The following LAMA3 variants were observed in gnomAD, a reference collection of about 807,000 sequenced individuals.
The protein encoded by LAMA3 is laminin subunit alpha-3.
A neutral mutation model predicts 402.0 loss-of-function variants in LAMA3; 281 were observed. That is an observed-to-expected ratio of 0.70 (90% CI 0.63 to 0.77). The LOEUF (loss-of-function observed/expected upper bound fraction) is 0.77, where lower values mean the gene tolerates loss of function less well. Ranked by LOEUF, LAMA3 falls within the 30% of genes least tolerant of loss-of-function variation. LAMA3 has a pLI of 0.00. For synonymous variants in LAMA3, 1,431 were observed against 1,558.4 expected (o/e 0.92, Z 1.93); for missense variants, 3,840 against 4,215.5 (o/e 0.91, Z 2.47).
At chr18:23,725,029 A>T (rs2061273592) in intron 2 of LAMA3, among the ~76,000 whole-genome samples, 1 of 150,104 alleles carries the variant, frequency 6.7e-6, no homozygotes, top group African/African-American at 2.5e-5. Flanking sequence ...TTCACTTTTT[A>T]CTCCCATCGC....
At chr18:23,765,483 A>G (rs1424843051) in intron 8 of LAMA3, among the ~76,000 whole-genome samples, 1 of 152,202 alleles carries the variant, frequency 6.6e-6, no homozygotes, top group African/African-American at 2.4e-5. Context: ...AAGAAAAAAA[A>G]CCATTTTTTA....
At chr18:23,723,695 T>C (rs1250987306) in intron 2 of LAMA3, among the ~76,000 whole-genome samples, 1 of 152,124 alleles carries the variant, frequency 6.6e-6, no homozygotes, top group African/African-American at 2.4e-5. Context: ...TGGCTGTGTG[T>C]AATTGGATGG....
intron 22 of LAMA3, among the ~76,000 whole-genome samples, 165 bp from the exon 23 acceptor site, chr18:23,827,149 A>C (rs1290202643): frequency 2.0e-5 from 3 of 152,176 alleles, no homozygotes; most frequent in Non-Finnish European, 4.4e-5. Context: ...GCAGATGAAA[A>C]TTTATTGCTT....
At position 23,816,017 on chromosome 18, in the gene LAMA3, A is replaced by G. The variant is rs900608547; in HGVS notation, c.2048-371A>G. On this transcript the variant is annotated intron_variant, in intron 17 of 74. Transcript: ENST00000313654. ...GTTATCACATGTTCTTTAGAACAGC[A>G]CTGTTTCTGAAGCGCGTTTACTCCT... Among the ~76,000 whole-genome samples the G allele has an allele frequency of 7.2e-5, 11 of 152,266 alleles. No individual in the cohort carries two copies. The East Asian group carries it at 2.1e-3, about 29-fold the overall frequency.
intron 9 of LAMA3, among the ~76,000 whole-genome samples, chr18:23,774,482 G>T (rs2062270995): frequency 6.6e-6 from 1 of 152,110 alleles, no homozygotes; most frequent in Non-Finnish European, 1.5e-5. Flanking sequence ...TGACAAAACC[G>T]CTAACTGCTA....
At position 23,905,577 on chromosome 18, in the gene LAMA3, A is replaced by G; in HGVS notation, c.6671A>G (p.Asp2224Gly). 2.5e-6 allele frequency: 4 copies of G among 1,611,812 alleles called. 1 individual carries two copies. Among genetic ancestry groups the G allele is most frequent in the South Asian group, 2.2e-5 (2 of 91,010 alleles). The change falls in exon 52 of 75, where the codon GAT becomes GGT. Residue 2224 changes from aspartate to glycine, a missense_variant. By Grantham distance (94) the Asp-to-Gly change is moderately conservative. Around this residue, in one of 3 missense-constraint regions of LAMA3, gnomAD observed 891 missense variants for 857.5 expected, o/e 1.04. Coordinates refer to ENST00000313654, the MANE Select transcript of LAMA3 (RefSeq NM_198129.4). Reference sequence around the variant, plus strand: ...GCTAAAACCCTGAGTTCCAACAGTGATAAACTGTTAAATGAAGCCAAGATG... The same window carrying G: ...GCTAAAACCCTGAGTTCCAACAGTGGTAAACTGTTAAATGAAGCCAAGATG... ...RKAKTLSSNS[D>G]KLLNEAKMTQ...
intron 12 of LAMA3, among the ~76,000 whole-genome samples, chr18:23,784,991 G>T (rs2062514683): frequency 6.6e-6 from 1 of 152,200 alleles, no homozygotes; most frequent in Non-Finnish European, 1.5e-5. Flanking sequence ...AAGAGCCAGA[G>T]CAGCAGGCTC....
intron 1 of LAMA3, among the ~76,000 whole-genome samples, chr18:23,705,776 C>T (rs2060878504): frequency 6.6e-6 from 1 of 152,146 alleles, no homozygotes; most frequent in South Asian, 2.1e-4. Context: ...CCTTGGCCTC[C>T]CAAAGTGCTA....
At chr18:23,887,215 A>C (rs1279151459) in intron 41 of LAMA3, among the ~76,000 whole-genome samples, 1 of 152,222 alleles carries the variant, frequency 6.6e-6, no homozygotes, top group Non-Finnish European at 1.5e-5. Context: ...GACAGACATC[A>C]AAACATGCCA....
Position 23,758,401 on chromosome 18 carries a change from G to A in LAMA3, c.953G>A (p.Arg318Gln), listed in dbSNP as rs1352649853. 7.4e-6 allele frequency: 12 copies of A among 1,613,596 alleles called. No homozygotes were observed. The highest frequency in any genetic ancestry group is 2.2e-5 in the South Asian group (2 of 90,932). Residue 318 changes from arginine to glutamine, a missense_variant, in exon 7 of 75, where the codon CGG becomes CAG. Physicochemically the swap from Arg to Gln is conservative, Grantham distance 43 (BLOSUM62 1). This residue lies in a region of LAMA3 where 2,109 missense variants were observed against 2,376.0 expected (regional missense o/e 0.89). Transcript: ENST00000313654. ...CNINNPEKLFRCECQHHTCGE... is the reference protein window; with the variant it reads ...CNINNPEKLFQCECQHHTCGE... ...CACTTCGCCCACATGCCCAGGTTTC[G>A]GTGTGAATGCCAGCACCACACCTGT...
chr18:23,935,379 G>A (rs1215178193), intron 67 of LAMA3, among the ~76,000 whole-genome samples: 2 of 152,240 alleles, frequency 1.3e-5, no homozygotes, highest in East Asian at 1.9e-4. Flanking sequence ...GAGTCTCTGC[G>A]TGGGCTTCAG....
At chr18:23,832,158 A>G (rs1419991460) in intron 23 of LAMA3, among the ~76,000 whole-genome samples, 2 of 152,206 alleles carry the variant, frequency 1.3e-5, no homozygotes, top group African/African-American at 4.8e-5. Flanking sequence ...TGCTGCCAGT[A>G]ATAACTTCTG....
At chr18:23,837,142 AT>A in intron 25 of LAMA3, 53 bp downstream of exon 25, 1 of 1,255,158 alleles carries the variant, frequency 8.0e-7, no homozygotes, top group Non-Finnish European at 1.2e-6. Flanking sequence ...TGATATCTAT[AT>A]TTTTTGAAGC....
rs145460785 is a variant in LAMA3 at position 23,914,761 on chromosome 18, C to T, written c.7545C>T (p.Pro2515=). The T allele has an allele frequency of 3.9e-4, 633 of 1,613,140 alleles. No individual in the cohort carries two copies. Among genetic ancestry groups the T allele is most frequent in the South Asian group, 5.1e-4 (46 of 91,054 alleles). ...KGATSSKPET[P]GVYDMDGRNS... ...CCACATCCAGTAAACCAGAAACACC[C>T]GGAGTCTATGACATGGATGGTAGAA... Residue 2515 remains proline (P), a synonymous_variant, in exon 58 of 75, where the codon CCC becomes CCT. Coordinates refer to ENST00000313654, the MANE Select transcript of LAMA3 (RefSeq NM_198129.4).
At chr18:23,896,004 G>C (rs1160329342) in intron 44 of LAMA3, among the ~76,000 whole-genome samples, 1 of 152,160 alleles carries the variant, frequency 6.6e-6, no homozygotes, top group African/African-American at 2.4e-5. Context: ...TGGATTTTCT[G>C]ATTTTCCTTG....
intron 32 of LAMA3, among the ~76,000 whole-genome samples, chr18:23,856,507 G>A (rs887399047): frequency 3.3e-5 from 5 of 152,162 alleles, no homozygotes; most frequent in Non-Finnish European, 2.9e-5. Context: ...CAGGGCTCGC[G>A]GCACTTTCTC....
Position 23,842,485 on chromosome 18 carries a change from GC to G in LAMA3, c.3428del (p.Ala1143GlyfsTer30). Reference protein sequence around the residue: ...FYQAAHPTFPAQVSVDGGWPR... With the variant: ...FYQAAHPTFPXQVSVDGGWPR... ...CCAAGCAGCGCACCCGACGTTTCCC[GC>G]GCAGGTGTCGGTGGATGGCGGGTGG... On this transcript the variant is annotated frameshift_variant, in exon 28 of 75. Transcript: ENST00000313654. LOFTEE classifies it high-confidence loss of function. 2 of 1,614,196 alleles carry G rather than the reference GC, an allele frequency of 1.2e-6. No individual in the cohort carries two copies. The highest frequency in any genetic ancestry group is 1.7e-6 in the Non-Finnish European group (2 of 1,180,034).
intron 32 of LAMA3, among the ~76,000 whole-genome samples, chr18:23,848,993 A>G (rs1288265025): frequency 1.3e-5 from 2 of 152,088 alleles, no homozygotes; most frequent in Middle Eastern, 3.4e-3. Context: ...CCCTCTCTGT[A>G]CGTGTCTCTG....
intron 68 of LAMA3, among the ~76,000 whole-genome samples, chr18:23,941,714 A>G (rs1005754946): frequency 6.6e-6 from 1 of 152,210 alleles, no homozygotes; most frequent in Non-Finnish European, 1.5e-5. Flanking sequence ...ATGAAGAGTC[A>G]TAGCTACAGT....
Sources: allele counts gnomAD v4.1 joint callset (sites outside exome capture counted in the v4.1 genomes callset), GRCh38; gene constraint gnomAD v4.1.1; regional missense constraint gnomAD v4.1.1; transcripts MANE v1.5; gene names NCBI Gene and HGNC (gene_info 2026-07-23, HGNC 2026-07-21).